ANO5: variants seen among roughly 807,000 people sequenced by gnomAD.
ANO5 encodes anoctamin-5.
In ANO5, 109 loss-of-function variants were observed where a neutral mutation model predicts 121.0. The ratio of observed to expected loss-of-function variants is 0.90; its 90% confidence interval spans 0.77 to 1.06. ANO5 has a LOEUF of 1.06. Among genes scored for constraint, ANO5 ranks in the 50% least tolerant of loss-of-function variants. The pLI is 0.00. For missense variants in ANO5, 1,064 were observed against 1,078.5 expected, an observed-to-expected ratio of 0.99 and a Z score of 0.19; for synonymous variants, 406 against 359.9, an observed-to-expected ratio of 1.13 and a Z score of -1.45.
chr11:22,259,485 AC>A, intron 14 of ANO5, 33 bp from the exon 15 acceptor site: 1 of 1,561,910 alleles, frequency 6.4e-7, no homozygotes, highest in Non-Finnish European at 8.8e-7. Flanking sequence ...AGATACAGAG[AC>A]CCAAATAGCA....
At chr11:22,274,823 T>C (rs1047324288) in intron 20 of ANO5, 76 bp downstream of exon 20, 11 of 1,519,114 alleles carry the variant, frequency 7.2e-6, no homozygotes, top group Non-Finnish European at 9.9e-6. Flanking sequence ...ATTACCTTTC[T>C]GTCTTACAAT....
At chr11:22,256,095 C>T (rs1282878840) in intron 13 of ANO5, among the ~76,000 whole-genome samples, 1 of 152,140 alleles carries the variant, frequency 6.6e-6, no homozygotes, top group East Asian at 1.9e-4. Context: ...AAGAAGTCTA[C>T]ATATTAGAAT....
At chr11:22,273,097 T>A in intron 19 of ANO5, 108 bp downstream of exon 19, 1 of 1,221,176 alleles carries the variant, frequency 8.2e-7, no homozygotes, top group South Asian at 1.2e-5. Flanking sequence ...TGATACTTTA[T>A]AAAGCTAAAA....
intron 18 of ANO5, among the ~76,000 whole-genome samples, chr11:22,271,106 G>A (rs1337824862): frequency 6.6e-6 from 1 of 152,148 alleles, no homozygotes; most frequent in East Asian, 1.9e-4. Context: ...AGGCTGGAGC[G>A]CAGCTGCCCA....
At chr11:22,262,338 A>G (rs753367802) in intron 16 of ANO5, 40 bp downstream of exon 16, 1 of 1,598,546 alleles carries the variant, frequency 6.3e-7, no homozygotes, top group Admixed American at 1.7e-5. Flanking sequence ...TAGCTTCAAT[A>G]CCTCAGTATT....
intron 1 of ANO5, 140 bp downstream of exon 1, chr11:22,193,672 G>A (rs1851722623): frequency 8.7e-6 from 10 of 1,143,294 alleles, no homozygotes; most frequent in Non-Finnish European, 1.1e-5. Context: ...CGTGCTCAGC[G>A]CGAAACCGGG....
chr11:22,273,701 A>C (rs1157560838), intron 19 of ANO5, among the ~76,000 whole-genome samples: 1 of 152,164 alleles, frequency 6.6e-6, no homozygotes, highest in Non-Finnish European at 1.5e-5. Context: ...GAAATAATCA[A>C]ATTAGAAAAC....
chr11:22,206,905 C>T (rs954419684), intron 2 of ANO5, among the ~76,000 whole-genome samples: 1 of 151,638 alleles, frequency 6.6e-6, no homozygotes, highest in Non-Finnish European at 1.5e-5. Context: ...ACAGTTCTTG[C>T]AATAAGACAA....
chr11:22,273,112 C>G lies in ANO5; in HGVS notation c.2235+123C>G, dbSNP rs1854689421. Reference sequence around the variant, plus strand: ...TGATACTTTATAAAGCTAAAACATTCCGAAATTGTTATGCGCTAACCAATA... The same window carrying G: ...TGATACTTTATAAAGCTAAAACATTGCGAAATTGTTATGCGCTAACCAATA... On this transcript the variant is annotated intron_variant, in intron 19 of 21. Transcript: ENST00000324559. The G allele has an allele frequency of 1.5e-5, 16 of 1,079,072 alleles. No homozygotes were observed. The South Asian group carries it at 1.9e-4, about 13-fold the overall frequency. The allele number at this position is 1,079,072 out of a possible 1,614,324, so 66.8% of individuals were successfully genotyped here.
chr11:22,257,691 T>C lies in ANO5; in HGVS notation c.1344T>C (p.Pro448=). The stretch of plus-strand genomic sequence containing the variant: ...CTTCAATATTACAGGAGATGGAACC[T>C]TACATGCCTCTATACACGCGTATTC... The part of the protein sequence containing the change: ...KLNAVTKEME[P]YMPLYTRIPW... Residue 448 remains proline (P), a synonymous_variant, in exon 14 of 22, where the codon CCT becomes CCC. Coordinates refer to ENST00000324559, the MANE Select transcript of ANO5 (RefSeq NM_213599.3). 1 of 1,611,384 alleles carries C rather than the reference T, an allele frequency of 6.2e-7. No homozygotes were observed. Among genetic ancestry groups the C allele is most frequent in the Non-Finnish European group, 8.5e-7 (1 of 1,177,714 alleles).
At chr11:22,244,103 T>C (rs1853534409) in intron 9 of ANO5, among the ~76,000 whole-genome samples, 1 of 152,078 alleles carries the variant, frequency 6.6e-6, no homozygotes, top group Non-Finnish European at 1.5e-5. Context: ...TGTCTAGTGG[T>C]AAAAAATTAT....
At chr11:22,223,481 T>C (rs1426681780) in intron 5 of ANO5, among the ~76,000 whole-genome samples, 1 of 151,994 alleles carries the variant, frequency 6.6e-6, no homozygotes, top group East Asian at 1.9e-4. Context: ...GCCTAGCACA[T>C]ACCAAAATTT....
intron 9 of ANO5, among the ~76,000 whole-genome samples, chr11:22,247,511 A>C (rs374483297): frequency 2.0e-5 from 3 of 152,298 alleles, no homozygotes; most frequent in African/African-American, 7.2e-5. Flanking sequence ...AGAGGAGACT[A>C]TGAATTAGAA....
Position 22,221,206 on chromosome 11 carries a change from A to G in ANO5, c.290A>G (p.Lys97Arg). 6.2e-7 allele frequency: 1 copy of G among 1,601,390 alleles called. No homozygotes were observed. The highest frequency in any genetic ancestry group is 8.6e-7 in the Non-Finnish European group (1 of 1,169,274). Residue 97 changes from lysine to arginine, a missense_variant, in exon 5 of 22, where the codon AAG becomes AGG. Coordinates refer to ENST00000324559, the MANE Select transcript of ANO5 (RefSeq NM_213599.3). ...VDDVKKDAEL[K>R]AERRKEFETN... Reference sequence around the variant, plus strand: ...GATGTAAAGAAAGACGCAGAGTTAAAGGCGGTAAGTGCATTATAACAGAAG... The same window carrying G: ...GATGTAAAGAAAGACGCAGAGTTAAGGGCGGTAAGTGCATTATAACAGAAG...
chr11:22,215,842 C>T (rs868712602), intron 3 of ANO5, among the ~76,000 whole-genome samples: 1 of 151,620 alleles, frequency 6.6e-6, no homozygotes, highest in Admixed American at 6.6e-5. Context: ...TTCTAGCAAC[C>T]GCTGATTTGT....
chr11:22,263,158 A>G (rs1248761592), intron 17 of ANO5, 115 bp downstream of exon 17: 1 of 810,044 alleles, frequency 1.2e-6, no homozygotes, highest in Admixed American at 2.3e-5. Context: ...TGTTTAAGCC[A>G]AAAGAAAGCT....
chr11:22,229,773 C>T (rs1370366253), intron 7 of ANO5, among the ~76,000 whole-genome samples: 2 of 151,826 alleles, frequency 1.3e-5, no homozygotes, highest in African/African-American at 4.8e-5. Flanking sequence ...ATACCTTAGT[C>T]GAATTCAACT....
intron 1 of ANO5, among the ~76,000 whole-genome samples, chr11:22,194,490 G>A (rs1030103463): frequency 3.9e-5 from 6 of 152,112 alleles, no homozygotes; most frequent in South Asian, 2.1e-4. Context: ...CCTATTTGAC[G>A]TGTAAAGTTG....
Position 22,280,957 on chromosome 11 carries a change from T to C in ANO5, c.*1192T>C, listed in dbSNP as rs1426548824. On this transcript the variant is annotated 3_prime_UTR_variant, in exon 22 of 22. Transcript: ENST00000324559. ...AGTGAATCAACCAACTAAGAATGAG[T>C]TCATGGACTTAATAATCTAAGGGGG... The C allele has an allele frequency of 6.6e-6, 1 of 151,930 alleles. No individual in the cohort carries two copies. Among genetic ancestry groups the C allele is most frequent in the African/African-American group, 2.4e-5 (1 of 41,386 alleles). 9.4% of individuals were successfully genotyped at this position (151,930 alleles called of 1,614,324 possible). A position where few individuals can be genotyped will look rare whatever the true frequency, so the allele number is the denominator to read the frequency against.
Sources: gnomAD v4.1 joint callset for allele counts (sites outside exome capture counted in the v4.1 genomes callset) on GRCh38, gnomAD v4.1.1 for gene constraint, MANE v1.5 for transcripts, NCBI Gene and HGNC (gene_info 2026-07-23, HGNC 2026-07-21) for gene names.